RPH3A: variants seen among roughly 807,000 people sequenced by gnomAD.
RPH3A encodes rabphilin-3A.
RPH3A carries 48 observed loss-of-function variants against 102.2 expected under a neutral mutation model. The observed-to-expected ratio is 0.47, with a 90% CI of 0.37 to 0.60. RPH3A has a LOEUF of 0.60. RPH3A is among the 20% of genes least tolerant of loss of function. The pLI, the probability that RPH3A is intolerant of heterozygous loss-of-function variation, is 0.00. For synonymous variants in RPH3A, 310 were observed against 324.3 expected, an observed-to-expected ratio of 0.96 and a Z score of 0.47; for missense variants, 781 against 910.1, an observed-to-expected ratio of 0.86 and a Z score of 1.83.
chr12:112,713,002 TTCCTCTTCCTCTTCCTCTTCC>T (rs1400390946), intron 1 of RPH3A, among the ~76,000 whole-genome samples: 6,538 of 86,834 alleles, frequency 0.075, 688 homozygotes, highest in South Asian at 0.14. Flanking sequence ...TGTCTTCCTC[TTCCTCTTCCTCTTCCTCTTCC>T]TCTTCTTCTT....
At chr12:112,796,714 T>C (rs2136095627) in intron 2 of RPH3A, among the ~76,000 whole-genome samples, 1 of 152,362 alleles carries the variant, frequency 6.6e-6, no homozygotes, top group Admixed American at 6.5e-5. Flanking sequence ...ACCTACAGTA[T>C]GCCTGGCACC....
intron 2 of RPH3A, among the ~76,000 whole-genome samples, chr12:112,814,953 A>G (rs561253027): frequency 3.9e-4 from 59 of 152,302 alleles, no homozygotes; most frequent in African/African-American, 1.4e-3. Flanking sequence ...TAGCTGTGTT[A>G]TCTGGGCAAG....
chr12:112,818,514 A>G (rs963440833), intron 2 of RPH3A, among the ~76,000 whole-genome samples: 15 of 152,160 alleles, frequency 9.9e-5, no homozygotes, highest in African/African-American at 3.6e-4. Context: ...TAGCAGCTAT[A>G]GAATTCTGTT....
In RPH3A at chr12:112,897,340, C is replaced by T. The variant is rs1427113239; in HGVS notation, c.*560C>T. 6.5e-6 allele frequency: 1 copy of T among 153,440 alleles called. No homozygotes were observed. The highest frequency in any genetic ancestry group is 1.5e-5 in the Non-Finnish European group (1 of 68,856). 9.5% of individuals were successfully genotyped at this position (153,440 alleles called of 1,614,324 possible). On this transcript the variant is annotated 3_prime_UTR_variant, in exon 22 of 22. Transcript: ENST00000389385. ...AAACAGACTGCTGTGTTCAGTAACA[C>T]ACCCTCCCTGCTCCAAGTGCACCAG...
intron 5 of RPH3A, among the ~76,000 whole-genome samples, chr12:112,850,222 C>T (rs1228559746): frequency 6.6e-6 from 1 of 152,182 alleles, no homozygotes; most frequent in Non-Finnish European, 1.5e-5. Flanking sequence ...ATAACATTAT[C>T]ACATACATCT....
At chr12:112,891,800 T>G (rs2043099942) in intron 19 of RPH3A, among the ~76,000 whole-genome samples, 1 of 152,206 alleles carries the variant, frequency 6.6e-6, no homozygotes, top group African/African-American at 2.4e-5. Context: ...GGCACAAATA[T>G]GTCATGGACT....
chr12:112,629,621 T>C (rs1441234187), intron 1 of RPH3A, among the ~76,000 whole-genome samples: 1 of 151,712 alleles, frequency 6.6e-6, no homozygotes, highest in African/African-American at 2.4e-5. Flanking sequence ...GCACTGCAGG[T>C]CCACACTCTT....
Position 112,677,368 on chromosome 12 carries a change from TCCTTCCCTTCCTCCCTCCCTCCCTCCCTC to T in RPH3A, c.-140+102053_-140+102081del, listed in dbSNP as rs2040184262. 1.9e-4 allele frequency among the ~76,000 whole-genome samples: 4 copies of T among 20,680 alleles called. No individual in the cohort carries two copies. The East Asian group carries it at 8.7e-3, about 45-fold the overall frequency. 13.6% of individuals were successfully genotyped at this position (20,680 alleles called of 152,430 possible). A position where few individuals can be genotyped will look rare whatever the true frequency, so the allele number is the denominator to read the frequency against. ...TTCCCTTCCTCCCTCCCTCCCTCCC[TCCTTCCCTTCCTCCCTCCCTCCCTCCCTC>T]CCTCCCTCCCTCCTTCCCTCCTTCC... is the stretch of plus-strand genomic sequence containing the variant. On this transcript the variant is annotated intron_variant, in intron 1 of 21. Transcript: ENST00000543106.
chr12:112,830,297 T>G (rs1406309939), intron 3 of RPH3A, among the ~76,000 whole-genome samples: 1 of 152,160 alleles, frequency 6.6e-6, no homozygotes, highest in Non-Finnish European at 1.5e-5. Flanking sequence ...AAGAGTGATT[T>G]GGAGGTATAT....
At position 112,813,055 on chromosome 12, in the gene RPH3A, T is replaced by C. The variant is rs1485119958; in HGVS notation, c.-18-15246T>C. ...TTAATCCTTTAACATCCCTGTAAGA[T>C]AGGTGCTGTTATCATCCTTGTTTTT... On this transcript the variant is annotated intron_variant, in intron 2 of 21. Transcript: ENST00000389385. Among the ~76,000 whole-genome samples, 5 of 152,362 alleles carry C rather than the reference T, an allele frequency of 3.3e-5. No individual in the cohort carries two copies. The South Asian group carries it at 6.2e-4, about 19-fold the overall frequency.
At chr12:112,581,259 C>T (rs941460218) in intron 1 of RPH3A, among the ~76,000 whole-genome samples, 7 of 152,074 alleles carry the variant, frequency 4.6e-5, no homozygotes, top group African/African-American at 9.7e-5. Context: ...GAGCAAGGGA[C>T]GTCTCACATG....
chr12:112,699,751 A>G (rs1048595769), intron 1 of RPH3A, among the ~76,000 whole-genome samples: 5 of 152,230 alleles, frequency 3.3e-5, no homozygotes, highest in Non-Finnish European at 5.9e-5. Flanking sequence ...GTTTTATTGT[A>G]TGCAAATTAT....
intron 1 of RPH3A, among the ~76,000 whole-genome samples, chr12:112,759,040 C>G (rs568301622): frequency 1.1e-3 from 166 of 152,330 alleles, no homozygotes; most frequent in South Asian, 3.5e-3. Flanking sequence ...TAGACCTGGA[C>G]TTTTTGTGCC....
chr12:112,877,461 A>ACAC (rs1176054466), intron 13 of RPH3A, among the ~76,000 whole-genome samples: 1 of 129,340 alleles, frequency 7.7e-6, no homozygotes, highest in African/African-American at 3.5e-5. Context: ...CACACACACC[A>ACAC]GTGGCATTTC....
At chr12:112,613,710 G>C (rs1449636201) in intron 1 of RPH3A, among the ~76,000 whole-genome samples, 2 of 152,066 alleles carry the variant, frequency 1.3e-5, no homozygotes, top group Non-Finnish European at 2.9e-5. Flanking sequence ...GAGGGTGGGG[G>C]TCTGATGGGG....
At chr12:112,778,266 G>C (rs1461576930) in intron 1 of RPH3A, among the ~76,000 whole-genome samples, 1 of 152,204 alleles carries the variant, frequency 6.6e-6, no homozygotes, top group African/African-American at 2.4e-5. Flanking sequence ...CCTAATTATG[G>C]AGAGGCTTTC....
intron 19 of RPH3A, 33 bp from the exon 20 acceptor site, chr12:112,894,542 ACGT>A: frequency 6.2e-7 from 1 of 1,600,776 alleles, no homozygotes; most frequent in African/African-American, 1.3e-5. Context: ...TATTCATTAA[ACGT>A]CATCCATAAT....
At chr12:112,773,949 G>C (rs1233151893) in intron 1 of RPH3A, among the ~76,000 whole-genome samples, 1 of 151,400 alleles carries the variant, frequency 6.6e-6, no homozygotes, top group Non-Finnish European at 1.5e-5. Context: ...GGGCATAGAG[G>C]CTCATGCCTG....
intron 2 of RPH3A, among the ~76,000 whole-genome samples, chr12:112,816,693 A>ATATTAT (rs10626494): frequency 4.5e-4 from 68 of 151,802 alleles, no homozygotes; most frequent in African/African-American, 1.5e-3. Flanking sequence ...CTTGAGAATT[A>ATATTAT]TATTATTATT....
Sources: gnomAD v4.1 joint callset for allele counts (sites outside exome capture counted in the v4.1 genomes callset) on GRCh38, gnomAD v4.1.1 for gene constraint, MANE v1.5 for transcripts, NCBI Gene and HGNC (gene_info 2026-07-23, HGNC 2026-07-21) for gene names.